FAM184B: variants seen among roughly 807,000 people sequenced by gnomAD.
The protein encoded by FAM184B is protein FAM184B.
Under a neutral mutation model 135.9 loss-of-function variants are expected in FAM184B, and 111 were observed. The observed-to-expected ratio is 0.82, with a 90% CI of 0.70 to 0.96. The LOEUF (loss-of-function observed/expected upper bound fraction) is 0.96, where lower values mean the gene tolerates loss of function less well. FAM184B is among the 40% of genes least tolerant of loss of function. The pLI is 0.00. For synonymous variants in FAM184B, 552 were observed against 524.8 expected, an observed-to-expected ratio of 1.05 and a Z score of -0.71; for missense variants, 1,375 against 1,323.9, an observed-to-expected ratio of 1.04 and a Z score of -0.60.
chr4:17,751,823 GCACACA>G (rs3222789), intron 1 of FAM184B, among the ~76,000 whole-genome samples: 4,193 of 115,874 alleles, frequency 0.036, 147 homozygotes, highest in African/African-American at 0.095. Context: ...TAAAAACAAG[GCACACA>G]CACACACACA....
intron 10 of FAM184B, among the ~76,000 whole-genome samples, chr4:17,658,068 G>A (rs551887582): frequency 6.6e-5 from 10 of 152,164 alleles, no homozygotes; most frequent in Non-Finnish European, 7.3e-5. Context: ...AAAGCAAGTC[G>A]TTCTTATGCC....
At chr4:17,697,589 C>T (rs1202140921) in intron 5 of FAM184B, among the ~76,000 whole-genome samples, 3 of 152,152 alleles carry the variant, frequency 2.0e-5, no homozygotes, top group African/African-American at 4.8e-5. Flanking sequence ...ATCCCTTCAA[C>T]AAAAATTCAT....
chr4:17,666,513 G>A (rs1235782471), intron 7 of FAM184B, among the ~76,000 whole-genome samples: 2 of 120,492 alleles, frequency 1.7e-5, no homozygotes, highest in East Asian at 2.4e-4. Flanking sequence ...TAGTAGAGAC[G>A]GGGTTTCACC....
chr4:17,711,869 G>C (rs1004953658), intron 1 of FAM184B, among the ~76,000 whole-genome samples: 1 of 152,172 alleles, frequency 6.6e-6, no homozygotes, highest in Non-Finnish European at 1.5e-5. Flanking sequence ...GACATGAGAA[G>C]GTGGCTTCTA....
At chr4:17,636,738 G>T in intron 14 of FAM184B, 93 bp from the exon 15 acceptor site, 1 of 1,104,432 alleles carries the variant, frequency 9.1e-7, no homozygotes, top group Non-Finnish European at 1.3e-6. Context: ...GCCATCCTGT[G>T]TTCAGCCCGG....
chr4:17,656,974 G>A (rs1380873211), intron 10 of FAM184B, among the ~76,000 whole-genome samples: 2 of 151,866 alleles, frequency 1.3e-5, no homozygotes, highest in African/African-American at 2.4e-5. Flanking sequence ...AGCATTTTAG[G>A]TCTCACTCAC....
rs142050996 is a variant in FAM184B at position 17,653,060 on chromosome 4, T to C, written c.2038-77A>G. 383 of 1,398,514 alleles carry C rather than the reference T, an allele frequency of 2.7e-4. 1 individual carries two copies. The African/African-American group carries it at 4.7e-3, about 17-fold the overall frequency. The allele number at this position is 1,398,514 out of a possible 1,614,324, so 86.6% of individuals were successfully genotyped here. The stretch of plus-strand genomic sequence containing the variant: ...AGACCTGACTCCTTTGCCAAGCTCT[T>C]CTGAGCCAGGATGCTCTGAACACTC... On this transcript the variant is annotated intron_variant, in intron 10 of 17. Coordinates refer to ENST00000265018, the MANE Select transcript of FAM184B (RefSeq NM_015688.2).
intron 13 of FAM184B, among the ~76,000 whole-genome samples, chr4:17,641,642 C>A (rs957376960): frequency 1.5e-4 from 5 of 34,450 alleles, no homozygotes; most frequent in Non-Finnish European, 2.5e-4. Context: ...CCACGCCCGG[C>A]CTTTTTTTTT....
chr4:17,649,842 ACCTG>A (rs1396492321), intron 11 of FAM184B, among the ~76,000 whole-genome samples: 17 of 150,472 alleles, frequency 1.1e-4, no homozygotes, highest in African/African-American at 1.5e-4. Context: ...CCATCCATCC[ACCTG>A]TCCATCCATC....
intron 12 of FAM184B, among the ~76,000 whole-genome samples, chr4:17,645,712 C>A (rs1384646806): frequency 6.6e-6 from 1 of 151,746 alleles, no homozygotes; most frequent in Non-Finnish European, 1.5e-5. Context: ...GCAACAAAAG[C>A]CAAAATTGAC....
intron 7 of FAM184B, among the ~76,000 whole-genome samples, chr4:17,678,708 C>A (rs1320008762): frequency 3.9e-5 from 6 of 152,150 alleles, no homozygotes; most frequent in African/African-American, 1.4e-4. Context: ...AAAAAAGGAA[C>A]CCACACAGCC....
At chr4:17,729,082 G>A (rs1032040383) in intron 1 of FAM184B, among the ~76,000 whole-genome samples, 4 of 152,140 alleles carry the variant, frequency 2.6e-5, no homozygotes, top group Admixed American at 6.5e-5. Flanking sequence ...CTTAAAAAAC[G>A]GCACACCAGG....
chr4:17,642,155 A>C lies in FAM184B; in HGVS notation c.2420T>G (p.Leu807Arg). Residue 807 changes from leucine to arginine, a missense_variant, in exon 13 of 18, where the codon CTC (leucine) becomes CGC (arginine). Coordinates refer to ENST00000265018, the MANE Select transcript of FAM184B (RefSeq NM_015688.2). ...AGQGSGEGCG[L>R]WEENAQLQDA... is the part of the protein sequence containing the mutation. ...CTGGAGCTGCGCGTTCTCCTCCCAG[A>C]GCCCGCATCCCTCGCCGGAACCCTG... 1 of 1,533,402 alleles carries C rather than the reference A, an allele frequency of 6.5e-7. No individual in the cohort carries two copies. The highest frequency in any genetic ancestry group is 1.2e-5 in the South Asian group (1 of 83,864). 95.0% of individuals were successfully genotyped at this position (1,533,402 alleles called of 1,614,324 possible). A position where few individuals can be genotyped will look rare whatever the true frequency, so the allele number is the denominator to read the frequency against.
In FAM184B at chr4:17,726,401, T is replaced by C. The variant is rs115878816; in HGVS notation, c.142-16757A>G. ...TTTTGTTTTTATTGGGACAGAGTTTTGCCCTTGTTGACCAGGCTGGAGTGC... is the reference window on the plus strand; with the variant it reads ...TTTTGTTTTTATTGGGACAGAGTTTCGCCCTTGTTGACCAGGCTGGAGTGC... On this transcript the variant is annotated intron_variant, in intron 1 of 17. Coordinates refer to ENST00000265018, the MANE Select transcript of FAM184B (RefSeq NM_015688.2). 8.4e-3 allele frequency among the ~76,000 whole-genome samples: 1,285 copies of C among 152,318 alleles called. 19 individuals are homozygous for C. Among genetic ancestry groups the C allele is most frequent in the African/African-American group, 0.028 (1,181 of 41,572 alleles).
intron 11 of FAM184B, among the ~76,000 whole-genome samples, 159 bp downstream of exon 11, chr4:17,652,671 C>G (rs578116962): frequency 3.9e-4 from 59 of 151,618 alleles, no homozygotes; most frequent in Middle Eastern, 6.8e-3. Context: ...GCCTGTGAAT[C>G]TGAGAGCCCT....
intron 5 of FAM184B, 55 bp downstream of exon 5, chr4:17,704,945 G>A (rs1717072464): frequency 1.4e-6 from 2 of 1,445,758 alleles, no homozygotes; most frequent in Non-Finnish European, 1.9e-6. Context: ...AGGAAAGAAA[G>A]GAGGTGGGAG....
At chr4:17,671,232 G>C (rs1428574463) in intron 7 of FAM184B, among the ~76,000 whole-genome samples, 1 of 152,052 alleles carries the variant, frequency 6.6e-6, no homozygotes, top group Non-Finnish European at 1.5e-5. Flanking sequence ...CCCTACACCA[G>C]CTTCAACCAG....
chr4:17,767,658 T>C (rs1418510260), intron 1 of FAM184B, among the ~76,000 whole-genome samples: 1 of 152,154 alleles, frequency 6.6e-6, no homozygotes, highest in Non-Finnish European at 1.5e-5. Context: ...CAGTCTTTGT[T>C]TACATCTGCT....
rs1715087507 is a variant in FAM184B, at chr4:17,635,128, C to T, written c.2785-15G>A. 3 of 1,541,842 alleles carry T rather than the reference C, an allele frequency of 1.9e-6. No homozygotes were observed. Among genetic ancestry groups the T allele is most frequent in the East Asian group, 4.9e-5 (2 of 40,830 alleles). On this transcript the variant is annotated splice_polypyrimidine_tract_variant and intron_variant, in intron 15 of 17. Transcript: ENST00000265018. Reference sequence around the variant, plus strand: ...CTTCTCTCTTCCTAGAAAACCAATACAACTGAGTCTAAATGAGCCTAACCA... The same window carrying T: ...CTTCTCTCTTCCTAGAAAACCAATATAACTGAGTCTAAATGAGCCTAACCA...
Sources: gnomAD v4.1 joint callset for allele counts (sites outside exome capture counted in the v4.1 genomes callset) on GRCh38, gnomAD v4.1.1 for gene constraint, MANE v1.5 for transcripts, NCBI Gene and HGNC (gene_info 2026-07-23, HGNC 2026-07-21) for gene names.